ARID3C: variants seen among roughly 807,000 people sequenced by gnomAD.
The protein encoded by ARID3C is AT-rich interaction domain 3C.
In ARID3C, 42 loss-of-function variants were observed where a neutral mutation model predicts 37.9. The ratio of observed to expected loss-of-function variants is 1.11; its 90% CI spans 0.87 to 1.43. The LOEUF (loss-of-function observed/expected upper bound fraction) is 1.43. ARID3C is among the 40% of genes most tolerant of loss of function. ARID3C has a pLI of 0.00. For missense variants in ARID3C, 581 were observed against 548.8 expected (o/e 1.06, Z -0.59); for synonymous variants, 213 against 228.0 (o/e 0.93, Z 0.59).
At chr9:34,621,907 A>G (rs181208308) in intron 6 of ARID3C, 113 bp downstream of exon 7, 122 of 1,082,136 alleles carry the variant, frequency 1.1e-4, no homozygotes, top group Non-Finnish European at 1.1e-4. Flanking sequence ...CATGTTACTC[A>G]TGCAAGTTTA....
intron 4 of ARID3C, among the ~76,000 whole-genome samples, 179 bp from the exon 6 acceptor site, chr9:34,622,708 C>T (rs1278670858): frequency 6.6e-6 from 1 of 152,186 alleles, no homozygotes; most frequent in East Asian, 1.9e-4. Flanking sequence ...TTCTCTAGAG[C>T]CCAAAGGATC....
exon 1 of ARID3C, chr9:34,627,894 G>T (rs1035235146): frequency 6.4e-7 from 1 of 1,563,948 alleles, no homozygotes; most frequent in African/African-American, 1.4e-5. Context: ...GCCCCCTCAG[G>T]GGCCTGTAGG....
chr9:34,630,169 C>T (rs1423939997), upstream of ARID3C, among the ~76,000 whole-genome samples: 1 of 152,218 alleles, frequency 6.6e-6, no homozygotes, highest in East Asian at 1.9e-4. Context: ...CATGTTCACA[C>T]ACATTCTCCA....
chr9:34,627,799 T>C (rs1477171468), exon 1 of ARID3C: 5 of 1,613,940 alleles, frequency 3.1e-6, no homozygotes, highest in Non-Finnish European at 4.2e-6. Context: ...TCTCCTCAGC[T>C]GCCTCCTCCT....
upstream of ARID3C, among the ~76,000 whole-genome samples, chr9:34,632,065 A>C (rs1820727160): frequency 6.6e-6 from 1 of 152,258 alleles, no homozygotes; most frequent in East Asian, 1.9e-4. Flanking sequence ...TTATTTGTGA[A>C]AGTACATAAT....
chr9:34,623,544 G>C (rs773273193), exon 4 of ARID3C: 4 of 1,591,248 alleles, frequency 2.5e-6, no homozygotes. Context: ...GGGACCCAAG[G>C]CTGGGTCCTG....
upstream of ARID3C, among the ~76,000 whole-genome samples, chr9:34,630,825 C>G (rs1243438270): frequency 3.3e-5 from 5 of 152,176 alleles, no homozygotes; most frequent in Non-Finnish European, 7.3e-5. Flanking sequence ...TGTCCTCCAC[C>G]TCAGATTTCA....
In ARID3C at chr9:34,622,124, G is replaced by A. The variant is rs558930333; in HGVS notation, c.1049-15C>T. On this transcript the variant is annotated splice_polypyrimidine_tract_variant and intron_variant, in intron 5 of 6. Coordinates refer to ENST00000378909, the Ensembl canonical transcript of ARID3C. ...CAGCCGCTCTTCTGTCCAGGAGGGG[G>A]CAGAGGAATCACATTTTGGAGAATC... The A allele has an allele frequency of 3.7e-6, 6 of 1,613,162 alleles. No individual in the cohort carries two copies. In the African/African-American group the frequency reaches 5.3e-5, roughly 14 times the overall value.
exon 3 of ARID3C, chr9:34,623,893 G>C (rs745850068): frequency 4.4e-6 from 7 of 1,601,162 alleles, no homozygotes; most frequent in Non-Finnish European, 5.9e-6. Flanking sequence ...CGGCCGAGGT[G>C]ATGGTGGTGG....
At chr9:34,626,181 C>T (rs1820652171) in intron 1 of ARID3C, among the ~76,000 whole-genome samples, 1 of 152,176 alleles carries the variant, frequency 6.6e-6, no homozygotes, top group Non-Finnish European at 1.5e-5. Context: ...GGGTTGTATA[C>T]CAGACTGAGG....
chr9:34,623,630 A>T, exon 4 of ARID3C: 1 of 1,604,646 alleles, frequency 6.2e-7, no homozygotes, highest in Non-Finnish European at 8.5e-7. Flanking sequence ...CCTCGCGCCG[A>T]TTGCTGTCTA....
At chr9:34,622,024 G>A in exon 6 of ARID3C, 1 of 1,613,996 alleles carries the variant, frequency 6.2e-7, no homozygotes, top group South Asian at 1.1e-5. Flanking sequence ...CCATACCAGT[G>A]TAGACCACCC....
chr9:34,623,599 C>T (rs756575073), exon 4 of ARID3C: 9 of 1,608,770 alleles, frequency 5.6e-6, no homozygotes, highest in African/African-American at 2.7e-5. Flanking sequence ...AGCGGAGTAG[C>T]GGTGTAAGCC....
intron 4 of ARID3C, among the ~76,000 whole-genome samples, chr9:34,623,087 C>T (rs556801067): frequency 6.9e-6 from 1 of 145,050 alleles, no homozygotes; most frequent in Non-Finnish European, 1.5e-5. Flanking sequence ...CGGAGGTTGC[C>T]GTGAGCTGAG....
At chr9:34,625,334 C>G (rs1820640243) in intron 2 of ARID3C, among the ~76,000 whole-genome samples, 1 of 152,180 alleles carries the variant, frequency 6.6e-6, no homozygotes, top group African/African-American at 2.4e-5. Flanking sequence ...CTTGGGAAGT[C>G]CTTCCTTCAG....
chr9:34,622,545 A>T lies in ARID3C; in HGVS notation c.866-16T>A. On this transcript the variant is annotated splice_polypyrimidine_tract_variant and intron_variant, in intron 4 of 6. Coordinates refer to ENST00000378909, the Ensembl canonical transcript of ARID3C. ...CCACTCTCCTCTAGAAGAACAGGTT[A>T]TTCAGCTCCCCTGGCCAAACCAACC... is the stretch of plus-strand genomic sequence containing the variant. 2.5e-6 allele frequency: 4 copies of T among 1,577,120 alleles called. No individual in the cohort carries two copies. Among genetic ancestry groups the T allele is most frequent in the Non-Finnish European group, 8.6e-7 (1 of 1,161,386 alleles).
intron 1 of ARID3C, among the ~76,000 whole-genome samples, chr9:34,626,898 G>A (rs192996846): frequency 5.7e-4 from 87 of 152,236 alleles, no homozygotes; most frequent in Non-Finnish European, 1.1e-3. Context: ...CACCCTACAA[G>A]TACCAGAATA....
chr9:34,623,147 CAAA>C (rs1334414839), intron 4 of ARID3C, among the ~76,000 whole-genome samples: 7 of 72,442 alleles, frequency 9.7e-5, no homozygotes, highest in Admixed American at 1.5e-4. Context: ...CTCCGTCTCA[CAAA>C]AAAAAAAAAA....
upstream of ARID3C, chr9:34,628,091 G>T (rs1820684236): frequency 2.8e-6 from 4 of 1,435,894 alleles, no homozygotes; most frequent in South Asian, 1.5e-5. This position sits in a 1 kb window ranked among gnomAD's most constrained non-coding sequence, Gnocchi z 5.2. Flanking sequence ...GGCCGCCTGT[G>T]GGGGAGGGAA....
Sources: gnomAD v4.1 joint callset for allele counts (sites outside exome capture counted in the v4.1 genomes callset) on GRCh38, gnomAD v4.1.1 for gene constraint, Gnocchi (gnomAD v3.1) non-coding constraint, MANE v1.5 for transcripts, NCBI Gene and HGNC (gene_info 2026-07-23, HGNC 2026-07-21) for gene names.